The following PAM variants were observed in gnomAD, a reference collection of about 807,000 sequenced individuals.
PAM encodes peptidylglycine alpha-amidating monooxygenase, also known as peptidyl-glycine alpha-amidating monooxygenase.
Under a neutral mutation model 122.1 loss-of-function variants are expected in PAM, and 72 were observed. The observed-to-expected ratio is 0.59, with a 90% confidence interval of 0.49 to 0.72. PAM has a LOEUF of 0.72. Among genes scored for constraint, PAM ranks in the 30% least tolerant of loss-of-function variants. The pLI, the probability that PAM is intolerant of heterozygous loss-of-function variation, is 0.00. For missense variants in PAM, 1,106 were observed against 1,183.7 expected (o/e 0.93, Z 0.96); for synonymous variants, 389 against 404.4 (o/e 0.96, Z 0.46).
intron 14 of PAM, among the ~76,000 whole-genome samples, chr5:102,966,082 T>C (rs902121467): frequency 2.6e-5 from 4 of 152,076 alleles, no homozygotes; most frequent in African/African-American, 9.6e-5. Context: ...TCTTAACTAA[T>C]TCCAAGCACT....
In PAM at chr5:102,988,581, A is replaced by T. The variant is rs1421327728; in HGVS notation, c.1484-1691A>T. On this transcript the variant is annotated intron_variant, in intron 15 of 25. Transcript: ENST00000438793. ...GGAATAGTTGTTGAAGATGCTTCAG[A>T]AAAAAAAGAAGGAAAGGAAAGGGAA... is the stretch of plus-strand genomic sequence containing the variant. 2.0e-5 allele frequency among the ~76,000 whole-genome samples: 3 copies of T among 151,822 alleles called. No homozygotes were observed. In the East Asian group the frequency reaches 5.8e-4, roughly 29 times the overall value.
intron 2 of PAM, 28 bp downstream of exon 2, chr5:102,866,312 T>G: frequency 7.3e-7 from 1 of 1,375,136 alleles, no homozygotes; most frequent in Non-Finnish European, 1.0e-6. Flanking sequence ...GGGTGCTTTC[T>G]GTGCATGCTG....
At chr5:102,858,474 C>T (rs911682525) in intron 1 of PAM, among the ~76,000 whole-genome samples, 1 of 151,910 alleles carries the variant, frequency 6.6e-6, no homozygotes, top group Non-Finnish European at 1.5e-5. Flanking sequence ...ATGGTTCAGC[C>T]CAAAATGTTG....
At chr5:102,997,228 A>T (rs1775979316) in intron 16 of PAM, among the ~76,000 whole-genome samples, 1 of 152,208 alleles carries the variant, frequency 6.6e-6, no homozygotes. Flanking sequence ...ATATGTTGCA[A>T]GACAATTTTT....
At chr5:102,866,337 C>A in intron 2 of PAM, 53 bp downstream of exon 2, 1 of 1,187,808 alleles carries the variant, frequency 8.4e-7, no homozygotes, top group South Asian at 1.2e-5. Context: ...GAAATGTAAT[C>A]ACTTTTATGA....
intron 3 of PAM, among the ~76,000 whole-genome samples, chr5:102,900,254 T>TG (rs140960589): frequency 0.35 from 9,385 of 26,734 alleles, 616 homozygotes; most frequent in Non-Finnish European, 0.45. Context: ...TGTGTGTGTG[T>TG]GGGGGGGGGG....
At chr5:102,828,907 C>G (rs1264720330) in intron 1 of PAM, among the ~76,000 whole-genome samples, 3 of 145,766 alleles carry the variant, frequency 2.1e-5, no homozygotes, top group African/African-American at 7.6e-5. Flanking sequence ...ATAAGAAATT[C>G]CTACCTCAGG....
At chr5:102,907,565 T>A (rs1799957588) in intron 4 of PAM, among the ~76,000 whole-genome samples, 1 of 150,894 alleles carries the variant, frequency 6.6e-6, no homozygotes, top group Non-Finnish European at 1.5e-5. Context: ...CCACAATGGT[T>A]GAACTAGTTT....
chr5:102,902,700 G>A (rs1016790965), intron 4 of PAM, among the ~76,000 whole-genome samples: 5 of 151,192 alleles, frequency 3.3e-5, no homozygotes, highest in Admixed American at 1.3e-4. Context: ...ATATTTACTC[G>A]CAAAAGGAAT....
chr5:102,825,886 A>G (rs948399160), intron 1 of PAM, among the ~76,000 whole-genome samples: 42 of 152,192 alleles, frequency 2.8e-4, no homozygotes, highest in African/African-American at 6.3e-4. Context: ...TTCTAGAGTT[A>G]GAGTATTATG....
At chr5:102,971,913 T>C (rs1391780413) in intron 14 of PAM, among the ~76,000 whole-genome samples, 3 of 152,232 alleles carry the variant, frequency 2.0e-5, no homozygotes, top group Admixed American at 6.5e-5. Flanking sequence ...CTCTCTCTCA[T>C]GTAACAAGAT....
chr5:103,028,857 C>G, intron 25 of PAM, 30 bp from the exon 26 acceptor site: 1 of 1,525,158 alleles, frequency 6.6e-7, no homozygotes, highest in Non-Finnish European at 9.0e-7. Flanking sequence ...CAAACTTTAC[C>G]CAATTCTGTT....
chr5:103,025,669 G>C (rs1784754342), intron 24 of PAM, among the ~76,000 whole-genome samples: 1 of 152,142 alleles, frequency 6.6e-6, no homozygotes, highest in Non-Finnish European at 1.5e-5. Flanking sequence ...GATCAGAGGA[G>C]GAGATACCTG....
chr5:102,935,484 C>T (rs1752949063), intron 7 of PAM, among the ~76,000 whole-genome samples: 1 of 151,956 alleles, frequency 6.6e-6, no homozygotes, highest in African/African-American at 2.4e-5. Context: ...AGTTTTTTTG[C>T]TATTATAAGC....
At chr5:102,771,764 G>C in intron 1 of PAM, among the ~76,000 whole-genome samples, 1 of 152,112 alleles carries the variant, frequency 6.6e-6, no homozygotes, top group East Asian at 1.9e-4. Flanking sequence ...GAGAAGTCCA[G>C]TGCCAAGTTG....
intron 15 of PAM, among the ~76,000 whole-genome samples, chr5:102,988,293 C>T (rs1037595573): frequency 1.4e-5 from 2 of 143,160 alleles, no homozygotes; most frequent in Non-Finnish European, 2.9e-5. Flanking sequence ...CGTTTGCTCC[C>T]GTGGGAAACC....
At chr5:102,864,923 C>T (rs976636747) in intron 1 of PAM, among the ~76,000 whole-genome samples, 1 of 152,024 alleles carries the variant, frequency 6.6e-6, no homozygotes, top group Non-Finnish European at 1.5e-5. Flanking sequence ...TCAAGTTTAA[C>T]CTAGTTGAGT....
At chr5:102,824,077 A>G (rs1460983746) in intron 1 of PAM, among the ~76,000 whole-genome samples, 1 of 152,198 alleles carries the variant, frequency 6.6e-6, no homozygotes, top group Non-Finnish European at 1.5e-5. Context: ...GCCCTACAAA[A>G]CTAGCGGATG....
intron 1 of PAM, among the ~76,000 whole-genome samples, chr5:102,841,406 T>C (rs1359564578): frequency 7.2e-6 from 1 of 138,438 alleles, no homozygotes; most frequent in South Asian, 2.3e-4. Context: ...CACCTACAAA[T>C]ACACACACAC....
Sources: gnomAD v4.1 joint callset for allele counts (sites outside exome capture counted in the v4.1 genomes callset) on GRCh38, gnomAD v4.1.1 for gene constraint, MANE v1.5 for transcripts, NCBI Gene and HGNC (gene_info 2026-07-23, HGNC 2026-07-21) for gene names.